WDR7: variants seen among roughly 807,000 people sequenced by gnomAD.
WDR7 encodes WD repeat domain 7, also known as WD repeat-containing protein 7.
WDR7 carries 46 observed loss-of-function variants against 169.4 expected under a neutral mutation model. The observed-to-expected ratio is 0.27, with a 90% CI of 0.21 to 0.35. The LOEUF (loss-of-function observed/expected upper bound fraction) is 0.35, where lower values mean the gene tolerates loss of function less well. WDR7 is among the 10% of genes least tolerant of loss of function. The pLI is 1.00. For synonymous variants in WDR7, 612 were observed against 666.8 expected, an observed-to-expected ratio of 0.92 and a Z score of 1.27; for missense variants, 1,534 against 1,859.3, an observed-to-expected ratio of 0.83 and a Z score of 3.22.
At chr18:56,695,786 C>T (rs752478308) in intron 11 of WDR7, among the ~76,000 whole-genome samples, 2 of 152,076 alleles carry the variant, frequency 1.3e-5, no homozygotes, top group Admixed American at 6.5e-5. Context: ...CTGCCTGCCT[C>T]GGCCTCTCAA....
intron 21 of WDR7, among the ~76,000 whole-genome samples, chr18:56,912,523 C>T (rs182551052): frequency 1.2e-3 from 183 of 152,330 alleles, no homozygotes; most frequent in Middle Eastern, 6.8e-3. Flanking sequence ...TTCTCAGCTA[C>T]CATTCTTTCC....
At position 57,027,221 on chromosome 18, in the gene WDR7, C is replaced by A; in HGVS notation, c.*14C>A. 2 of 1,604,070 alleles carry A rather than the reference C, an allele frequency of 1.2e-6. No homozygotes were observed. The highest frequency in any genetic ancestry group is 1.7e-6 in the Non-Finnish European group (2 of 1,175,632). On this transcript the variant is annotated 3_prime_UTR_variant, in exon 28 of 28. Transcript: ENST00000254442. The stretch of plus-strand genomic sequence containing the variant: ...TTCATGGTCTAATGCTGCTGCCTGC[C>A]GCCGTGACTGCGTTTTAGTTCTCTA...
At chr18:56,932,290 C>G (rs1418914805) in intron 22 of WDR7, among the ~76,000 whole-genome samples, 1 of 152,192 alleles carries the variant, frequency 6.6e-6, no homozygotes, top group Non-Finnish European at 1.5e-5. Context: ...GATGCCTCTT[C>G]AAAAGTGCTG....
chr18:56,835,980 A>G (rs2045389313), intron 20 of WDR7, among the ~76,000 whole-genome samples: 1 of 152,196 alleles, frequency 6.6e-6, no homozygotes, highest in African/African-American at 2.4e-5. Context: ...CTTTTCTAAG[A>G]ATAATTTTCT....
rs772748897 is a variant in WDR7, at chr18:56,938,504, CAT to C, written c.3832-26_3832-25del. 3.7e-6 allele frequency: 6 copies of C among 1,606,082 alleles called. No individual in the cohort carries two copies. In the South Asian group the frequency reaches 6.7e-5, roughly 18 times the overall value. ...AATGTAAAACTATATCAGTGTCAAT[CAT>C]ATCTACAGCATAGAAATGTTTTGTA... On this transcript the variant is annotated intron_variant, in intron 23 of 27. Coordinates refer to ENST00000254442, the MANE Select transcript of WDR7 (RefSeq NM_015285.3).
chr18:56,741,272 CTGTT>C (rs1226684937), intron 14 of WDR7, among the ~76,000 whole-genome samples: 3 of 152,154 alleles, frequency 2.0e-5, no homozygotes, highest in South Asian at 4.1e-4. Context: ...ACTGTCATCA[CTGTT>C]TGTCCCATTA....
At chr18:56,951,983 T>G (rs1200172078) in intron 25 of WDR7, among the ~76,000 whole-genome samples, 1 of 152,230 alleles carries the variant, frequency 6.6e-6, no homozygotes, top group East Asian at 1.9e-4. Flanking sequence ...AAAAATACTT[T>G]TATGAAAAAT....
intron 14 of WDR7, among the ~76,000 whole-genome samples, chr18:56,741,605 T>C (rs567315415): frequency 9.2e-5 from 14 of 152,200 alleles, no homozygotes; most frequent in Admixed American, 2.0e-4. Flanking sequence ...TATAAATGTA[T>C]GTGTGCATCA....
At chr18:57,025,311 G>A (rs117914204) in intron 27 of WDR7, among the ~76,000 whole-genome samples, 2,008 of 152,258 alleles carry the variant, frequency 0.013, 18 homozygotes, top group Middle Eastern at 0.037. Flanking sequence ...GCCTGTTGAT[G>A]CCAGTTAATG....
chr18:56,782,116 T>C (rs1010370406), intron 19 of WDR7: 2 of 152,288 alleles, frequency 1.3e-5, no homozygotes, highest in African/African-American at 4.8e-5. Context: ...AAAGAGAAAA[T>C]TGGGAAGGAT....
intron 19 of WDR7, among the ~76,000 whole-genome samples, chr18:56,815,206 G>GT (rs2044944333): frequency 6.6e-6 from 1 of 152,158 alleles, no homozygotes; most frequent in Admixed American, 6.5e-5. Context: ...TGGTTAGAAA[G>GT]TTTAACTCCT....
intron 16 of WDR7, among the ~76,000 whole-genome samples, chr18:56,767,685 T>C (rs1267402881): frequency 6.6e-6 from 1 of 152,226 alleles, no homozygotes. Flanking sequence ...ATGTTCCAAA[T>C]ATCTATTATT....
At position 56,867,348 on chromosome 18, in the gene WDR7, T is replaced by A. The variant is rs529444919; in HGVS notation, c.3305-12596T>A. On this transcript the variant is annotated intron_variant, in intron 20 of 27. Coordinates refer to ENST00000254442, the MANE Select transcript of WDR7 (RefSeq NM_015285.3). ...CAGCACGCCCAGCATAAAATTTTTT[T>A]AAAAATCTCAGAGCAGTTTAAGTAC... Among the ~76,000 whole-genome samples the A allele has an allele frequency of 3.3e-4, 51 of 152,276 alleles. No individual in the cohort carries two copies. In the East Asian group the frequency reaches 6.4e-3, roughly 19 times the overall value.
rs557429604 is a variant in WDR7, at chr18:56,909,729, C to T, written c.3527-14193C>T. On this transcript the variant is annotated intron_variant, in intron 21 of 27. Transcript: ENST00000254442. ...TATTTTGGTTTACAGTATTCTTTCA[C>T]CTTTTATTAAAAATGAAGATGGTGT... Among the ~76,000 whole-genome samples, 22 of 152,102 alleles carry T rather than the reference C, an allele frequency of 1.4e-4. No individual in the cohort carries two copies. The South Asian group carries it at 4.6e-3, about 32-fold the overall frequency.
At chr18:56,739,751 C>A (rs910493007) in intron 14 of WDR7, among the ~76,000 whole-genome samples, 1 of 150,460 alleles carries the variant, frequency 6.6e-6, no homozygotes, top group African/African-American at 2.5e-5. Flanking sequence ...TCATTTCCAT[C>A]TTTTTTTGGG....
chr18:56,668,929 G>A (rs193049553), intron 1 of WDR7, among the ~76,000 whole-genome samples: 2 of 151,702 alleles, frequency 1.3e-5, no homozygotes, highest in East Asian at 3.9e-4. Context: ...TATTTACTGA[G>A]CATCTGCCAT....
intron 25 of WDR7, among the ~76,000 whole-genome samples, chr18:56,940,770 G>A (rs4452033): frequency 0.03 from 4,642 of 152,206 alleles, 127 homozygotes; most frequent in African/African-American, 0.073. Flanking sequence ...GCTCCTTATA[G>A]CACCAGCCAC....
At position 56,681,395 on chromosome 18, in the gene WDR7, A is replaced by G. The variant is rs1346920841; in HGVS notation, c.345+4A>G. The G allele has an allele frequency of 3.2e-6, 5 of 1,561,696 alleles. No homozygotes were observed. The highest frequency in any genetic ancestry group is 3.4e-6 in the Non-Finnish European group (4 of 1,160,706). On this transcript the variant is annotated splice_donor_region_variant and intron_variant, in intron 4 of 27. Transcript: ENST00000254442. ...TTGCACACATACTGGCATACAGGTT[A>G]GTTTCTATTTCTGTGACTCTAAGTA...
At chr18:56,891,551 A>G (rs1250389367) in intron 21 of WDR7, among the ~76,000 whole-genome samples, 2 of 50,132 alleles carry the variant, frequency 4.0e-5, no homozygotes, top group East Asian at 0.012. Flanking sequence ...TAAAATCTGT[A>G]TATAGTTTTT....
Sources: allele counts gnomAD v4.1 joint callset (sites outside exome capture counted in the v4.1 genomes callset), GRCh38; gene constraint gnomAD v4.1.1; transcripts MANE v1.5; gene names NCBI Gene and HGNC (gene_info 2026-07-23, HGNC 2026-07-21).